NLGN4X: variants seen among roughly 807,000 people sequenced by gnomAD.
NLGN4X encodes neuroligin-4, X-linked.
In NLGN4X, 3 loss-of-function variants were observed where a neutral mutation model predicts 40.3. That is an observed-to-expected ratio of 0.07 (90% CI 0.03 to 0.19). The LOEUF (loss-of-function observed/expected upper bound fraction) is 0.19, where lower values mean the gene tolerates loss of function less well. Ranked by LOEUF, NLGN4X falls within the 10% of genes least tolerant of loss-of-function variation. The probability of loss-of-function intolerance (pLI) is 1.00; values close to 1 mark genes in which losing one functional copy is unlikely to be tolerated. For missense variants in NLGN4X, 382 were observed against 708.3 expected, an observed-to-expected ratio of 0.54 and a Z score of 5.23; for synonymous variants, 270 against 306.8, an observed-to-expected ratio of 0.88 and a Z score of 1.25.
At chrX:5,959,079 A>T (rs981504762) in intron 3 of NLGN4X, among the ~76,000 whole-genome samples, 8 of 112,229 alleles carry the variant, frequency 7.1e-5, no homozygotes, top group African/African-American at 2.3e-4. Context: ...CATTCATCTG[A>T]CTTCCACAGC....
chrX:6,114,575 C>T (rs898189302), intron 2 of NLGN4X, among the ~76,000 whole-genome samples: 14 of 110,216 alleles, frequency 1.3e-4, no homozygotes, highest in African/African-American at 4.6e-4. Flanking sequence ...TGCACACATA[C>T]ACCTGCTTGG....
chrX:6,209,382 TAA>T (rs1924354069), intron 1 of NLGN4X, among the ~76,000 whole-genome samples: 1 of 111,696 alleles, frequency 9.0e-6, no homozygotes, highest in African/African-American at 3.3e-5. Context: ...TAAATTTATA[TAA>T]GTTTTTTTTA....
chrX:5,953,748 T>C (rs1241150454), intron 3 of NLGN4X, among the ~76,000 whole-genome samples: 1 of 112,206 alleles, frequency 8.9e-6, no homozygotes, highest in Admixed American at 9.4e-5. Context: ...ATGCTCTTCT[T>C]TTTTCCTAGT....
chrX:5,939,058 A>G (rs1474671913), intron 3 of NLGN4X, among the ~76,000 whole-genome samples: 1 of 109,340 alleles, frequency 9.1e-6, no homozygotes, highest in African/African-American at 3.4e-5. Flanking sequence ...TGGAGACACT[A>G]TTGGATGAGG....
chrX:5,925,916 ATATATATATATATAT>A, intron 3 of NLGN4X, among the ~76,000 whole-genome samples: 1 of 49,258 alleles, frequency 2.0e-5, no homozygotes, highest in East Asian at 7.5e-4. Flanking sequence ...ATATATATAT[ATATATATATATATAT>A]AAACCTGCGA....
At chrX:6,117,238 T>G (rs1302467502) in intron 2 of NLGN4X, among the ~76,000 whole-genome samples, 1 of 110,884 alleles carries the variant, frequency 9.0e-6, no homozygotes, top group African/African-American at 3.3e-5. Context: ...AGTTAATGCC[T>G]TGGACTCCTC....
At chrX:5,900,164 G>A (rs894591128) in intron 5 of NLGN4X, among the ~76,000 whole-genome samples, 12 of 112,612 alleles carry the variant, frequency 1.1e-4, no homozygotes, top group African/African-American at 3.5e-4. Flanking sequence ...ATTAAGATAC[G>A]CTGAAGTCAT....
At chrX:6,148,174 C>T (rs1271223595) in intron 2 of NLGN4X, among the ~76,000 whole-genome samples, 1 of 111,825 alleles carries the variant, frequency 8.9e-6, no homozygotes, top group East Asian at 2.8e-4. Context: ...TTTAATATAC[C>T]TACACATTTT....
intron 2 of NLGN4X, among the ~76,000 whole-genome samples, chrX:6,095,433 C>G (rs2038748027): frequency 8.9e-6 from 1 of 111,828 alleles, no homozygotes; most frequent in Admixed American, 9.5e-5. Flanking sequence ...ACTAGCCTTT[C>G]CACAATATCT....
intron 1 of NLGN4X, among the ~76,000 whole-genome samples, chrX:6,173,617 A>G (rs186633735): frequency 1.6e-3 from 185 of 112,743 alleles, no homozygotes; most frequent in African/African-American, 5.8e-3. Flanking sequence ...GCCAAGAAGA[A>G]TCTAGGCAGA....
intron 2 of NLGN4X, among the ~76,000 whole-genome samples, chrX:6,136,128 G>A (rs1011297048): frequency 1.8e-5 from 2 of 111,811 alleles, no homozygotes; most frequent in African/African-American, 6.5e-5. Flanking sequence ...CATGAGCTAT[G>A]ATTGCAATGG....
chrX:6,010,631 C>T (rs1390641298), intron 3 of NLGN4X, among the ~76,000 whole-genome samples: 1 of 108,063 alleles, frequency 9.3e-6, no homozygotes, highest in African/African-American at 3.4e-5. Flanking sequence ...CAGGCTCCAG[C>T]GATTCTTGGG....
At chrX:6,149,815 C>T (rs866867358) in intron 2 of NLGN4X, among the ~76,000 whole-genome samples, 3 of 111,547 alleles carry the variant, frequency 2.7e-5, no homozygotes, top group Middle Eastern at 4.6e-3. Flanking sequence ...TTTCATGACA[C>T]TCTACTTAAA....
chrX:5,909,698 T>G (rs1053615026), intron 3 of NLGN4X, among the ~76,000 whole-genome samples: 12 of 107,094 alleles, frequency 1.1e-4, no homozygotes, highest in African/African-American at 3.8e-4. Context: ...TAAGAATATG[T>G]GCATGTATAC....
intron 3 of NLGN4X, among the ~76,000 whole-genome samples, chrX:5,920,216 G>T (rs1206717469): frequency 8.9e-6 from 1 of 112,409 alleles, no homozygotes; most frequent in African/African-American, 3.2e-5. Context: ...GAGGAGAACA[G>T]AAGGAGTCCC....
intron 2 of NLGN4X, among the ~76,000 whole-genome samples, chrX:6,051,290 C>T (rs911987044): frequency 9.0e-6 from 1 of 111,693 alleles, no homozygotes; most frequent in Non-Finnish European, 1.9e-5. Context: ...AGTTAACTGA[C>T]TAAGCCTAGA....
Position 5,909,534 on chromosome X carries a change from G to A in NLGN4X, c.626-295C>T, listed in dbSNP as rs143682375. Among the ~76,000 whole-genome samples the A allele has an allele frequency of 2.4e-4, 26 of 109,905 alleles. No individual in the cohort carries two copies. The East Asian group carries it at 4.3e-3, about 18-fold the overall frequency. On this transcript the variant is annotated intron_variant, in intron 3 of 5. Coordinates refer to ENST00000381095, the MANE Select transcript of NLGN4X (RefSeq NM_181332.3). Reference sequence around the variant, plus strand: ...ATAACATGAAGCAATCCCAGAAGACGTCGTAAATTTTACTAGGTTCAAGGT... The same window carrying A: ...ATAACATGAAGCAATCCCAGAAGACATCGTAAATTTTACTAGGTTCAAGGT...
chrX:6,101,982 T>C (rs1178819673), intron 2 of NLGN4X, among the ~76,000 whole-genome samples: 1 of 109,988 alleles, frequency 9.1e-6, no homozygotes, highest in African/African-American at 3.3e-5. Flanking sequence ...GCTAATTTTT[T>C]TGTATTTTTA....
At chrX:6,094,992 T>C (rs1189895864) in intron 2 of NLGN4X, among the ~76,000 whole-genome samples, 1 of 110,114 alleles carries the variant, frequency 9.1e-6, no homozygotes, top group Admixed American at 9.8e-5. Flanking sequence ...AAAAGAGTAA[T>C]TTTATCAAAT....
Sources: gnomAD v4.1 joint callset for allele counts (sites outside exome capture counted in the v4.1 genomes callset) on GRCh38, gnomAD v4.1.1 for gene constraint, MANE v1.5 for transcripts, NCBI Gene and HGNC (gene_info 2026-07-23, HGNC 2026-07-21) for gene names.